The following DAB1 variants were observed in gnomAD, a reference collection of about 807,000 sequenced individuals.
DAB1 encodes disabled homolog 1.
Under a neutral mutation model 64.6 loss-of-function variants are expected in DAB1, and 15 were observed. The observed-to-expected ratio is 0.23, with a 90% confidence interval of 0.16 to 0.36. The LOEUF (loss-of-function observed/expected upper bound fraction) is 0.36. DAB1 is among the 10% of genes least tolerant of loss of function. The pLI is 1.00. For missense variants in DAB1, 596 were observed against 706.7 expected (o/e 0.84, Z 1.78); for synonymous variants, 235 against 251.9 (o/e 0.93, Z 0.64).
intron 7 of DAB1, among the ~76,000 whole-genome samples, chr1:57,629,229 GAA>G (rs1315636026): frequency 2.0e-5 from 3 of 152,164 alleles, no homozygotes; most frequent in Non-Finnish European, 4.4e-5. Context: ...GCTTACTTTA[GAA>G]AAGATTACTA....
At chr1:57,102,719 A>T (rs536738132) in intron 4 of DAB1, among the ~76,000 whole-genome samples, 1 of 152,294 alleles carries the variant, frequency 6.6e-6, no homozygotes, top group Non-Finnish European at 1.5e-5. Context: ...TGAAGTTGCA[A>T]AGTTCAGGAG....
At chr1:57,233,400 C>G (rs890261312) in intron 2 of DAB1, among the ~76,000 whole-genome samples, 3 of 148,002 alleles carry the variant, frequency 2.0e-5, no homozygotes, top group Non-Finnish European at 4.5e-5. Context: ...GTAGCTGGGA[C>G]TACAGGCGCC....
chr1:58,014,282 T>C (rs2100437051), intron 5 of DAB1, among the ~76,000 whole-genome samples: 1 of 152,340 alleles, frequency 6.6e-6, no homozygotes, highest in Non-Finnish European at 1.5e-5. Context: ...TTGAGGGTTA[T>C]AATAAGGTTG....
chr1:57,536,824 C>T (rs1344260589), intron 7 of DAB1, among the ~76,000 whole-genome samples: 1 of 152,120 alleles, frequency 6.6e-6, no homozygotes, highest in Admixed American at 6.6e-5. Context: ...TCTATCCCTC[C>T]ATGCTTCTGT....
intron 1 of DAB1, among the ~76,000 whole-genome samples, chr1:57,302,609 A>T (rs984702471): frequency 1.3e-4 from 19 of 150,342 alleles, no homozygotes; most frequent in East Asian, 9.7e-4. Flanking sequence ...TTTTTTTTTT[A>T]TTTTATGTTT....
intron 3 of DAB1, among the ~76,000 whole-genome samples, chr1:58,492,481 G>A (rs539300868): frequency 1.3e-5 from 2 of 152,238 alleles, no homozygotes; most frequent in South Asian, 4.1e-4. Context: ...CCAGGAGTTG[G>A]TTTTTTGAAA....
intron 5 of DAB1, among the ~76,000 whole-genome samples, chr1:58,011,710 C>T (rs186129349): frequency 4.6e-5 from 7 of 152,104 alleles, no homozygotes; most frequent in South Asian, 2.1e-4. Context: ...TTTTTGGAGA[C>T]GAAGTCTCTT....
intron 2 of DAB1, among the ~76,000 whole-genome samples, chr1:57,236,723 A>G (rs1388014148): frequency 6.6e-6 from 1 of 152,172 alleles, no homozygotes; most frequent in African/African-American, 2.4e-5. Context: ...TGAGAGTAGA[A>G]CACATCACTC....
At chr1:58,100,751 G>A (rs956374946) in intron 5 of DAB1, among the ~76,000 whole-genome samples, 2 of 152,142 alleles carry the variant, frequency 1.3e-5, no homozygotes, top group African/African-American at 4.8e-5. Flanking sequence ...CAGTGGAGAC[G>A]GATTTTTCTC....
intron 4 of DAB1, among the ~76,000 whole-genome samples, chr1:57,113,325 A>G (rs962425185): frequency 3.3e-5 from 5 of 152,198 alleles, no homozygotes; most frequent in African/African-American, 1.2e-4. Flanking sequence ...TAGGTGAGGA[A>G]TTTGAGGCTA....
intron 1 of DAB1, among the ~76,000 whole-genome samples, chr1:57,415,073 A>G (rs1050378798): frequency 6.6e-6 from 1 of 152,196 alleles, no homozygotes; most frequent in Admixed American, 6.5e-5. Context: ...ACTTTTGCAG[A>G]AGGACACTTT....
intron 4 of DAB1, among the ~76,000 whole-genome samples, chr1:58,286,474 GA>G (rs1231455395): frequency 6.6e-6 from 1 of 151,988 alleles, no homozygotes; most frequent in Non-Finnish European, 1.5e-5. Context: ...AAATTTACAA[GA>G]AAAAAACAAC....
chr1:57,086,937 G>A (rs1445439959), intron 4 of DAB1, among the ~76,000 whole-genome samples: 1 of 152,108 alleles, frequency 6.6e-6, no homozygotes, highest in Non-Finnish European at 1.5e-5. Flanking sequence ...TATTACCTTG[G>A]GGAAGTCAAA....
intron 7 of DAB1, among the ~76,000 whole-genome samples, chr1:57,467,508 G>A (rs1201965448): frequency 6.6e-6 from 1 of 152,154 alleles, no homozygotes; most frequent in African/African-American, 2.4e-5. Flanking sequence ...TAACATTAAA[G>A]TTTGATAAGC....
At chr1:58,146,135 C>T (rs1328357397) in intron 5 of DAB1, among the ~76,000 whole-genome samples, 1 of 152,018 alleles carries the variant, frequency 6.6e-6, no homozygotes, top group Non-Finnish European at 1.5e-5. Flanking sequence ...TGTTAATTGA[C>T]TGTTTAGGTT....
At chr1:58,498,025 A>G (rs1645833710) in intron 3 of DAB1, among the ~76,000 whole-genome samples, 1 of 152,104 alleles carries the variant, frequency 6.6e-6, no homozygotes, top group Admixed American at 6.6e-5. Flanking sequence ...GCATAGAGAG[A>G]AAATTATTTT....
chr1:58,402,649 G>T (rs889608734), intron 3 of DAB1, among the ~76,000 whole-genome samples: 3 of 151,700 alleles, frequency 2.0e-5, no homozygotes, highest in East Asian at 1.9e-4. Context: ...AAAGGAGGAG[G>T]GGGGGAGAGA....
intron 5 of DAB1, among the ~76,000 whole-genome samples, chr1:58,104,890 A>G (rs1450629985): frequency 1.3e-5 from 2 of 152,206 alleles, no homozygotes; most frequent in African/African-American, 2.4e-5. Flanking sequence ...TGGGATGTGG[A>G]AATTATTCTC....
Position 57,639,386 on chromosome 1 carries a change from A to T in DAB1, n.625+10206T>A, listed in dbSNP as rs111701467. 1.3e-3 allele frequency among the ~76,000 whole-genome samples: 197 copies of T among 148,388 alleles called. 8 individuals are homozygous for T. The South Asian group carries it at 0.041, about 31-fold the overall frequency. The stretch of plus-strand genomic sequence containing the variant: ...ATAAAGAACTTTAGTAAATAACTTT[A>T]TAAAGTTCTTTATAAATAACTTTAG... On this transcript the variant is annotated intron_variant and non_coding_transcript_variant, in intron 7 of 20. Coordinates refer to the DAB1 transcript ENST00000485760.
Sources: gnomAD v4.1 joint callset for allele counts (sites outside exome capture counted in the v4.1 genomes callset) on GRCh38, gnomAD v4.1.1 for gene constraint, MANE v1.5 for transcripts, NCBI Gene and HGNC (gene_info 2026-07-23, HGNC 2026-07-21) for gene names.